The following OSBPL1A variants were observed in gnomAD, a reference collection of about 807,000 sequenced individuals.
OSBPL1A encodes oxysterol binding protein like 1A.
OSBPL1A carries 80 observed loss-of-function variants against 137.1 expected under a neutral mutation model. The ratio of observed to expected loss-of-function variants is 0.58; its 90% CI spans 0.49 to 0.70. The LOEUF is 0.70. Among genes scored for constraint, OSBPL1A ranks in the 30% least tolerant of loss-of-function variants. The pLI, the probability that OSBPL1A is intolerant of heterozygous loss-of-function variation, is 0.00. For synonymous variants in OSBPL1A, 365 were observed against 389.7 expected (o/e 0.94, Z 0.75); for missense variants, 970 against 1,129.4 (o/e 0.86, Z 2.02).
intron 16 of OSBPL1A, among the ~76,000 whole-genome samples, chr18:24,229,562 T>C (rs2088202113): frequency 1.3e-5 from 2 of 152,222 alleles, no homozygotes; most frequent in Non-Finnish European, 2.9e-5. Flanking sequence ...CATCGTTTCA[T>C]GTGGAGACTC....
intron 1 of OSBPL1A, among the ~76,000 whole-genome samples, chr18:24,384,547 G>A (rs1439874119): frequency 6.7e-6 from 1 of 150,124 alleles, no homozygotes; most frequent in Non-Finnish European, 1.5e-5. Context: ...CAGCCTGGGT[G>A]ACAGAGCGAG....
At chr18:24,177,169 C>G (rs1473269429) in intron 21 of OSBPL1A, among the ~76,000 whole-genome samples, 2 of 152,190 alleles carry the variant, frequency 1.3e-5, no homozygotes, top group Non-Finnish European at 2.9e-5. Flanking sequence ...CAGCCACCAT[C>G]GCAGCAGGAG....
chr18:24,315,244 T>C (rs924525238), intron 11 of OSBPL1A, among the ~76,000 whole-genome samples: 4 of 152,100 alleles, frequency 2.6e-5, no homozygotes, highest in African/African-American at 9.7e-5. Flanking sequence ...GCAACTCCTG[T>C]CTTTGGACAT....
intron 2 of OSBPL1A, among the ~76,000 whole-genome samples, chr18:24,372,340 T>C (rs1905719217): frequency 6.6e-6 from 1 of 152,044 alleles, no homozygotes; most frequent in African/African-American, 2.4e-5. Flanking sequence ...ACTGCTTCCA[T>C]TGTTTCTGTG....
At chr18:24,244,627 C>T (rs905566529) in intron 15 of OSBPL1A, among the ~76,000 whole-genome samples, 3 of 152,342 alleles carry the variant, frequency 2.0e-5, no homozygotes, top group East Asian at 1.9e-4. Context: ...CAAATGTAAG[C>T]CTTTCCAGTA....
At chr18:24,251,968 G>A (rs73392210) in intron 15 of OSBPL1A, among the ~76,000 whole-genome samples, 2,060 of 152,134 alleles carry the variant, frequency 0.014, 56 homozygotes, top group African/African-American at 0.048. Flanking sequence ...ACAGCAGAAT[G>A]GAACAAGTAG....
At chr18:24,348,682 G>A (rs775125381) in intron 4 of OSBPL1A, among the ~76,000 whole-genome samples, 10 of 152,148 alleles carry the variant, frequency 6.6e-5, no homozygotes, top group Non-Finnish European at 1.3e-4. Flanking sequence ...GCTGAGGCAG[G>A]AGAATCGCTT....
intron 17 of OSBPL1A, among the ~76,000 whole-genome samples, chr18:24,203,248 A>T (rs1327328158): frequency 6.6e-6 from 1 of 152,198 alleles, no homozygotes; most frequent in Non-Finnish European, 1.5e-5. Context: ...AAGTGCCGGG[A>T]TTACAGGCAT....
intron 17 of OSBPL1A, among the ~76,000 whole-genome samples, chr18:24,222,990 C>A (rs561342496): frequency 6.6e-6 from 1 of 151,936 alleles, no homozygotes; most frequent in South Asian, 2.1e-4. Flanking sequence ...CAGAAATCTA[C>A]GACGAGGTCA....
rs1276900895 is a variant in OSBPL1A, at chr18:24,271,976, G to A, written c.1281+8866C>T. On this transcript the variant is annotated intron_variant, in intron 15 of 27. Coordinates refer to ENST00000319481, the MANE Select transcript of OSBPL1A (RefSeq NM_080597.4). The surrounding 1 kb of genome is among the most constrained non-coding windows in gnomAD (Gnocchi z 4.0). ...ACCCGCCCTCCGGGGCTCGCGGGGA[G>A]AGCGCGGGCGGGCGGCGGCAAGGCC... 2 of 981,908 alleles carry A rather than the reference G, an allele frequency of 2.0e-6. No homozygotes were observed. The highest frequency in any genetic ancestry group is 1.8e-5 in the African/African-American group (1 of 56,866). The allele number at this position is 981,908 out of a possible 1,614,324, so 60.8% of individuals were successfully genotyped here. A position where few individuals can be genotyped will look rare whatever the true frequency, so the allele number is the denominator to read the frequency against.
chr18:24,173,815 C>A (rs1408617540), intron 21 of OSBPL1A, among the ~76,000 whole-genome samples: 8 of 152,168 alleles, frequency 5.3e-5, no homozygotes, highest in Non-Finnish European at 1.0e-4. Flanking sequence ...TAACCACCAC[C>A]AACACAATCA....
At chr18:24,270,654 C>T (rs978992943) in intron 15 of OSBPL1A, among the ~76,000 whole-genome samples, 2 of 152,102 alleles carry the variant, frequency 1.3e-5, no homozygotes, top group African/African-American at 4.8e-5. Context: ...AAGACATCAG[C>T]TTAGGGACTA....
At chr18:24,336,911 T>C (rs1392117372) in intron 5 of OSBPL1A, among the ~76,000 whole-genome samples, 1 of 152,210 alleles carries the variant, frequency 6.6e-6, no homozygotes, top group African/African-American at 2.4e-5. Context: ...AGAAGTTTAG[T>C]GGTAAATGGG....
At chr18:24,329,509 C>T (rs1476547832) in intron 7 of OSBPL1A, among the ~76,000 whole-genome samples, 1 of 147,428 alleles carries the variant, frequency 6.8e-6, no homozygotes, top group Admixed American at 6.8e-5. Context: ...GAGATCGCGC[C>T]ACTGCACTCC....
intron 14 of OSBPL1A, among the ~76,000 whole-genome samples, chr18:24,293,432 C>T (rs2090225493): frequency 6.6e-6 from 1 of 152,184 alleles, no homozygotes; most frequent in African/African-American, 2.4e-5. Flanking sequence ...CCGACAGAGC[C>T]TCCCATTTGC....
intron 14 of OSBPL1A, among the ~76,000 whole-genome samples, chr18:24,292,374 A>G (rs537946238): frequency 6.6e-6 from 1 of 152,306 alleles, no homozygotes; most frequent in East Asian, 1.9e-4. Flanking sequence ...TCCCTATTTC[A>G]TGTCTCTAAA....
Position 24,250,985 on chromosome 18 carries a change from C to A in OSBPL1A, c.1282-11603G>T, listed in dbSNP as rs554334578. Among the ~76,000 whole-genome samples the A allele has an allele frequency of 4.6e-5, 7 of 152,214 alleles. No homozygotes were observed. In the East Asian group the frequency reaches 1.4e-3, roughly 29 times the overall value. On this transcript the variant is annotated intron_variant, in intron 15 of 27. Coordinates refer to ENST00000319481, the MANE Select transcript of OSBPL1A (RefSeq NM_080597.4). ...TGGCCTGGCAGAGCTCCCCCATGGG[C>A]CAGTGGTAGTGGTGCTCACAGGGAG...
At chr18:24,293,057 A>T (rs2090206361) in intron 14 of OSBPL1A, among the ~76,000 whole-genome samples, 1 of 142,826 alleles carries the variant, frequency 7.0e-6, no homozygotes, top group Non-Finnish European at 1.5e-5. Context: ...GTGAGCCAAG[A>T]TCGCACCACT....
chr18:24,328,216 G>GTTTT (rs1292001089), intron 7 of OSBPL1A, among the ~76,000 whole-genome samples: 2 of 47,568 alleles, frequency 4.2e-5, no homozygotes, highest in African/African-American at 1.6e-4. Context: ...CTAATTTTTT[G>GTTTT]TATTTTTTTT....
Sources: gnomAD v4.1 joint callset for allele counts (sites outside exome capture counted in the v4.1 genomes callset) on GRCh38, gnomAD v4.1.1 for gene constraint, Gnocchi (gnomAD v3.1) non-coding constraint, MANE v1.5 for transcripts, NCBI Gene and HGNC (gene_info 2026-07-23, HGNC 2026-07-21) for gene names.